The following KRABD2 variants were observed in gnomAD, a reference collection of about 807,000 sequenced individuals.
The protein encoded by KRABD2 is KRAB domain-containing protein 2.
the KRABD2 span, among the ~76,000 whole-genome samples, chr17:8,372,354 G>C: frequency 6.6e-6 from 1 of 152,134 alleles, no homozygotes; most frequent in Admixed American, 6.5e-5. This position sits in a 1 kb window ranked among gnomAD's most constrained non-coding sequence, Gnocchi z 4.1. Flanking sequence ...TGAAAAATAT[G>C]CATTTTCATT....
chr17:8,373,126 G>A, the KRABD2 span, among the ~76,000 whole-genome samples: 6 of 141,868 alleles, frequency 4.2e-5, no homozygotes, highest in African/African-American at 1.3e-4. Flanking sequence ...CCGTCTCCAC[G>A]GTCTCCCTCT....
chr17:8,369,784 C>T, the KRABD2 span: 3 of 1,614,200 alleles, frequency 1.9e-6, no homozygotes, highest in Non-Finnish European at 2.5e-6. Flanking sequence ...AACTTGAACT[C>T]ACCATCGGCA....
chr17:8,362,177 C>A, the KRABD2 span, among the ~76,000 whole-genome samples: 2 of 152,008 alleles, frequency 1.3e-5, no homozygotes, highest in African/African-American at 4.8e-5. The surrounding 1 kb of genome is among the most constrained non-coding windows in gnomAD (Gnocchi z 4.2). Context: ...ACTAAAAATA[C>A]AAAATAGCCG....
the KRABD2 span, among the ~76,000 whole-genome samples, chr17:8,373,250 A>T: frequency 6.6e-6 from 1 of 152,020 alleles, no homozygotes; most frequent in East Asian, 1.9e-4. Flanking sequence ...TACTGCCGCC[A>T]TCTCGGCTCA....
chr17:8,375,442 C>T, the KRABD2 span, among the ~76,000 whole-genome samples: 6 of 152,212 alleles, frequency 3.9e-5, no homozygotes, highest in African/African-American at 1.4e-4. Context: ...GGCCTGTGGG[C>T]TGCACGCAGC....
chr17:8,374,018 C>T, the KRABD2 span, among the ~76,000 whole-genome samples: 2 of 151,740 alleles, frequency 1.3e-5, no homozygotes, highest in Non-Finnish European at 1.5e-5. Flanking sequence ...CCTGCCTGGC[C>T]AGCCGCCCCG....
chr17:8,364,506 C>A, the KRABD2 span, among the ~76,000 whole-genome samples: 3 of 152,198 alleles, frequency 2.0e-5, no homozygotes, highest in African/African-American at 7.2e-5. The surrounding 1 kb of genome is among the most constrained non-coding windows in gnomAD (Gnocchi z 4.4). Flanking sequence ...GTACATGGCA[C>A]CATGCCCCGC....
the KRABD2 span, chr17:8,369,750 G>T: frequency 6.2e-7 from 1 of 1,614,218 alleles, no homozygotes; most frequent in South Asian, 1.1e-5. Flanking sequence ...AAACTTGGTT[G>T]AGTGATCCTG....
At chr17:8,359,657 C>G in the KRABD2 span, 2 of 455,850 alleles carry the variant, frequency 4.4e-6, no homozygotes, top group Admixed American at 2.4e-5. Flanking sequence ...GGCTCTCTTC[C>G]TGATACAGAG....
chr17:8,369,805 T>A, the KRABD2 span: 6 of 1,614,192 alleles, frequency 3.7e-6, no homozygotes, highest in Non-Finnish European at 4.2e-6. Context: ...CTGGACTGCA[T>A]GTCAAGTATT....
At chr17:8,363,846 TA>T in the KRABD2 span, among the ~76,000 whole-genome samples, 10 of 87,410 alleles carry the variant, frequency 1.1e-4, no homozygotes, top group African/African-American at 4.1e-4. Flanking sequence ...TATATATATA[TA>T]TATATATATA....
At chr17:8,359,529 G>C in the KRABD2 span, 1 of 454,582 alleles carries the variant, frequency 2.2e-6, no homozygotes, top group Admixed American at 2.4e-5. Flanking sequence ...CATGATGCCT[G>C]GTACATACTT....
the KRABD2 span, chr17:8,375,932 G>C: frequency 4.1e-6 from 5 of 1,229,774 alleles, no homozygotes; most frequent in Non-Finnish European, 5.1e-6. Context: ...TTTCCGACTC[G>C]GAATGTCCTC....
At chr17:8,371,211 T>C in the KRABD2 span, 2 of 1,115,602 alleles carry the variant, frequency 1.8e-6, no homozygotes, top group South Asian at 1.5e-5. Flanking sequence ...GTCCTTATCT[T>C]GGGGAATCGA....
the KRABD2 span, chr17:8,371,657 A>G: frequency 1.4e-6 from 2 of 1,412,282 alleles, no homozygotes; most frequent in African/African-American, 1.4e-5. Context: ...CTTTCCTGGG[A>G]GGTCTGTTGG....
the KRABD2 span, among the ~76,000 whole-genome samples, chr17:8,363,794 A>ATG: frequency 2.8e-5 from 4 of 143,204 alleles, no homozygotes; most frequent in Admixed American, 7.0e-5. Context: ...ATACATATAT[A>ATG]TCATACATAT....
At chr17:8,362,190 C>T in the KRABD2 span, among the ~76,000 whole-genome samples, 42 of 152,062 alleles carry the variant, frequency 2.8e-4, no homozygotes, top group African/African-American at 9.9e-4. This position sits in a 1 kb window ranked among gnomAD's most constrained non-coding sequence, Gnocchi z 4.2. Flanking sequence ...AATAGCCGGG[C>T]GTGTTGGCGG....
the KRABD2 span, among the ~76,000 whole-genome samples, chr17:8,364,238 ACAGC>A: frequency 1.3e-5 from 2 of 152,190 alleles, no homozygotes; most frequent in African/African-American, 4.8e-5. This position sits in a 1 kb window ranked among gnomAD's most constrained non-coding sequence, Gnocchi z 4.4. Flanking sequence ...TGTCAAATGG[ACAGC>A]CAATTGATCC....
the KRABD2 span, among the ~76,000 whole-genome samples, chr17:8,366,911 G>A: frequency 5.9e-5 from 9 of 151,784 alleles, no homozygotes; most frequent in Non-Finnish European, 1.0e-4. Context: ...TTGTAAAGAC[G>A]GGGTTTCACC....
Sources: allele counts gnomAD v4.1 joint callset (sites outside exome capture counted in the v4.1 genomes callset), GRCh38; gene constraint gnomAD v4.1.1; non-coding constraint Gnocchi (gnomAD v3.1); transcripts MANE v1.5; gene names NCBI Gene and HGNC (gene_info 2026-07-23, HGNC 2026-07-21).